The following PCGF5 variants were observed in gnomAD, a reference collection of about 807,000 sequenced individuals.
PCGF5 encodes the protein polycomb group ring finger 5.
Under a neutral mutation model 44.3 loss-of-function variants are expected in PCGF5, and 9 were observed. The observed-to-expected ratio is 0.20, with a 90% confidence interval of 0.12 to 0.35. PCGF5 has a LOEUF of 0.35. Among genes scored for constraint, PCGF5 ranks in the 10% least tolerant of loss-of-function variants. PCGF5 has a pLI of 1.00. For missense variants in PCGF5, 146 were observed against 305.3 expected, an observed-to-expected ratio of 0.48 and a Z score of 3.89; for synonymous variants, 95 against 102.5, an observed-to-expected ratio of 0.93 and a Z score of 0.44.
At chr10:91,270,427 C>T (rs1285987251) in intron 8 of PCGF5, among the ~76,000 whole-genome samples, 1 of 151,386 alleles carries the variant, frequency 6.6e-6, no homozygotes, top group East Asian at 1.9e-4. Context: ...TTCCAGCTTA[C>T]TCTTGTTGAC....
intron 9 of PCGF5, among the ~76,000 whole-genome samples, chr10:91,276,682 C>G (rs187166991): frequency 6.6e-6 from 1 of 152,216 alleles, no homozygotes; most frequent in Non-Finnish European, 1.5e-5. Context: ...TTTTACTTCC[C>G]TCTGTACCTT....
intron 3 of PCGF5, among the ~76,000 whole-genome samples, chr10:91,244,383 C>T (rs1564647083): frequency 1.3e-5 from 2 of 152,094 alleles, no homozygotes; most frequent in Non-Finnish European, 2.9e-5. Flanking sequence ...GGACGACCAG[C>T]AAGGAGACCT....
chr10:91,219,869 C>A (rs900020345), upstream of PCGF5, among the ~76,000 whole-genome samples: 1 of 152,102 alleles, frequency 6.6e-6, no homozygotes, highest in African/African-American at 2.4e-5. Flanking sequence ...TGGTTTGCCA[C>A]TTAGAGTCAT....
intron 1 of PCGF5, among the ~76,000 whole-genome samples, chr10:91,199,771 A>T (rs564167674): frequency 6.6e-6 from 1 of 150,428 alleles, no homozygotes; most frequent in Non-Finnish European, 1.5e-5. Flanking sequence ...TGTTTGACAG[A>T]TAGGGAAGTG....
upstream of PCGF5, among the ~76,000 whole-genome samples, chr10:91,215,522 C>T (rs1844525010): frequency 1.3e-5 from 2 of 152,204 alleles, no homozygotes. Flanking sequence ...CCCATAGCTG[C>T]AATATTCTTA....
chr10:91,161,217 G>A (rs1033638553), upstream of PCGF5, among the ~76,000 whole-genome samples: 2 of 152,206 alleles, frequency 1.3e-5, no homozygotes, highest in Non-Finnish European at 2.9e-5. Flanking sequence ...GCTAATCTCA[G>A]GATTGCCTCA....
Position 91,240,587 on chromosome 10 carries a change from A to G in PCGF5, c.209+7A>G. On this transcript the variant is annotated splice_region_variant and intron_variant, in intron 3 of 9. Coordinates refer to ENST00000336126, the MANE Select transcript of PCGF5 (RefSeq NM_032373.5). ...ATCCATTAGAAATGTTGAGGTAAGG[A>G]TGTTATATTTTACAGTTCATCTAAT... 1.9e-6 allele frequency: 3 copies of G among 1,578,650 alleles called. No individual in the cohort carries two copies. Among genetic ancestry groups the G allele is most frequent in the Non-Finnish European group, 2.6e-6 (3 of 1,152,408 alleles).
At chr10:91,254,414 T>C (rs1381651720) in intron 6 of PCGF5, among the ~76,000 whole-genome samples, 1 of 152,056 alleles carries the variant, frequency 6.6e-6, no homozygotes, top group Non-Finnish European at 1.5e-5. Context: ...TTTCCCAACC[T>C]AGTGAATCCC....
chr10:91,184,448 G>C (rs1843880680), intron 1 of PCGF5, among the ~76,000 whole-genome samples: 1 of 152,160 alleles, frequency 6.6e-6, no homozygotes, highest in African/African-American at 2.4e-5. Context: ...TTGTCTGTCA[G>C]CTCCTGCAAT....
At chr10:91,223,613 T>A (rs1263998972) in intron 2 of PCGF5, among the ~76,000 whole-genome samples, 1 of 152,238 alleles carries the variant, frequency 6.6e-6, no homozygotes, top group Admixed American at 6.5e-5. Context: ...GAGGCATTTT[T>A]TACTGCCACT....
intron 2 of PCGF5, among the ~76,000 whole-genome samples, chr10:91,237,461 C>T (rs535303671): frequency 1.6e-4 from 24 of 152,254 alleles, no homozygotes; most frequent in Middle Eastern, 3.4e-3. Flanking sequence ...TTCACATCAA[C>T]GCTGGGCGCA....
chr10:91,172,547 C>T (rs1180713655), intron 1 of PCGF5, among the ~76,000 whole-genome samples: 1 of 152,210 alleles, frequency 6.6e-6, no homozygotes, highest in Non-Finnish European at 1.5e-5. Flanking sequence ...AAATAAATGA[C>T]TCCACATCTG....
chr10:91,161,315 A>AAACTT (rs113443072), upstream of PCGF5, among the ~76,000 whole-genome samples: 2,564 of 152,330 alleles, frequency 0.017, 84 homozygotes, highest in African/African-American at 0.059. Flanking sequence ...TTGGGAAAGA[A>AAACTT]TACTTTCGCT....
intron 1 of PCGF5, among the ~76,000 whole-genome samples, chr10:91,176,617 T>G (rs1843712191): frequency 6.6e-6 from 1 of 152,224 alleles, no homozygotes; most frequent in South Asian, 2.1e-4. Flanking sequence ...TTTCTTTTCA[T>G]TCTTTTTTCT....
rs141498403 is a variant in PCGF5, at chr10:91,266,292, A to G, written c.663+1772A>G. Among the ~76,000 whole-genome samples the G allele has an allele frequency of 1.6e-3, 240 of 152,306 alleles. 1 individual carries two copies. Among genetic ancestry groups the G allele is most frequent in the African/African-American group, 5.6e-3 (231 of 41,570 alleles). The stretch of plus-strand genomic sequence containing the variant: ...AGTGGTCATCCACTGCACGACCTCT[A>G]CAAGTGGCTCACTTGTTCTTTACAA... On this transcript the variant is annotated intron_variant, in intron 8 of 9. Transcript: ENST00000336126.
At chr10:91,245,330 A>G (rs1845432503) in intron 3 of PCGF5, among the ~76,000 whole-genome samples, 1 of 152,204 alleles carries the variant, frequency 6.6e-6, no homozygotes, top group Non-Finnish European at 1.5e-5. Flanking sequence ...CATGGAGTTC[A>G]TCAACTTTGA....
At chr10:91,214,390 A>G (rs2133258017) in intron 1 of PCGF5, among the ~76,000 whole-genome samples, 1 of 151,650 alleles carries the variant, frequency 6.6e-6, no homozygotes, top group South Asian at 2.1e-4. Flanking sequence ...CGGCCATGGG[A>G]CTGCTGGAGC....
At chr10:91,220,506 C>CGCGGGCG (rs1844638546), upstream of PCGF5, 1 of 152,388 alleles carries the variant, frequency 6.6e-6, no homozygotes, top group Non-Finnish European at 1.5e-5. Flanking sequence ...CTGCGAGCAG[C>CGCGGGCG]GCAGGCGGCA....
At position 91,202,307 on chromosome 10, in the gene PCGF5, T is replaced by C. The variant is rs74149083; in HGVS notation, c.-183-20382T>C. Among the ~76,000 whole-genome samples, 1,291 of 152,300 alleles carry C rather than the reference T, an allele frequency of 8.5e-3. 18 individuals carry two copies. The highest frequency in any genetic ancestry group is 0.03 in the African/African-American group (1,234 of 41,552). On this transcript the variant is annotated intron_variant, in intron 1 of 9. Transcript: ENST00000614189. ...TGAAGCAAAATAACCTGGATTTGAATCCACCACCGTTGTGATCTGATTGTT... is the reference window on the plus strand; with the variant it reads ...TGAAGCAAAATAACCTGGATTTGAACCCACCACCGTTGTGATCTGATTGTT...
Sources: gnomAD v4.1 joint callset for allele counts (sites outside exome capture counted in the v4.1 genomes callset) on GRCh38, gnomAD v4.1.1 for gene constraint, MANE v1.5 for transcripts, NCBI Gene and HGNC (gene_info 2026-07-23, HGNC 2026-07-21) for gene names.